The following EPHA6 variants were observed in gnomAD, a reference collection of about 807,000 sequenced individuals.
EPHA6 encodes the protein EPH receptor A6.
In EPHA6, 50 loss-of-function variants were observed where a neutral mutation model predicts 112.0. The observed-to-expected ratio is 0.45, with a 90% CI of 0.36 to 0.56. The LOEUF (loss-of-function observed/expected upper bound fraction) is 0.56, where lower values mean the gene tolerates loss of function less well. Among genes scored for constraint, EPHA6 ranks in the 20% least tolerant of loss-of-function variants. The pLI, the probability that EPHA6 is intolerant of heterozygous loss-of-function variation, is 0.00. For missense variants in EPHA6, 1,280 were observed against 1,417.4 expected, an observed-to-expected ratio of 0.90 and a Z score of 1.56; for synonymous variants, 529 against 490.7, an observed-to-expected ratio of 1.08 and a Z score of -1.03.
intron 3 of EPHA6, among the ~76,000 whole-genome samples, chr3:97,200,752 C>T (rs1237992870): frequency 6.6e-6 from 1 of 152,004 alleles, no homozygotes; most frequent in Non-Finnish European, 1.5e-5. Context: ...TAAGAGGATG[C>T]AAAAATGAAT....
intron 2 of EPHA6, among the ~76,000 whole-genome samples, chr3:96,936,201 C>G (rs576991964): frequency 1.3e-5 from 2 of 151,950 alleles, no homozygotes; most frequent in East Asian, 3.9e-4. Flanking sequence ...TATGGCAATA[C>G]GTCATTTTAG....
chr3:97,123,147 T>C (rs2048088938), intron 3 of EPHA6, among the ~76,000 whole-genome samples: 1 of 152,098 alleles, frequency 6.6e-6, no homozygotes, highest in African/African-American at 2.4e-5. Flanking sequence ...CAATCTACAA[T>C]ATTTTTGTCA....
At chr3:97,117,338 A>ATTTGTCTATTTTTGCT (rs1482719358) in intron 3 of EPHA6, among the ~76,000 whole-genome samples, 4 of 151,578 alleles carry the variant, frequency 2.6e-5, no homozygotes, top group Non-Finnish European at 5.9e-5. Context: ...AGGTAATCCC[A>ATTTGTCTATTTTTGCT]TTTGTCTATT....
chr3:97,325,942 T>A (rs747216118), intron 5 of EPHA6, among the ~76,000 whole-genome samples: 23 of 152,078 alleles, frequency 1.5e-4, no homozygotes, highest in Admixed American at 2.6e-4. Context: ...TTACTTAAGT[T>A]GCGATGCATT....
At chr3:96,828,733 A>G (rs1462488814) in intron 1 of EPHA6, among the ~76,000 whole-genome samples, 1 of 152,128 alleles carries the variant, frequency 6.6e-6, no homozygotes, top group East Asian at 1.9e-4. Context: ...TTCCATTCCC[A>G]ACACCTCCAC....
chr3:96,857,745 T>C (rs1476335557), intron 1 of EPHA6, among the ~76,000 whole-genome samples: 1 of 151,404 alleles, frequency 6.6e-6, no homozygotes, highest in Non-Finnish European at 1.5e-5. Context: ...ACTACTACAA[T>C]CCAATTTAGC....
intron 14 of EPHA6, among the ~76,000 whole-genome samples, chr3:97,641,706 C>A (rs2094006691): frequency 6.6e-6 from 1 of 152,198 alleles, no homozygotes; most frequent in Non-Finnish European, 1.5e-5. Flanking sequence ...CGGGTCACTC[C>A]CACCCGAATA....
At position 96,987,461 on chromosome 3, in the gene EPHA6, T is replaced by G; in HGVS notation, c.582T>G (p.Ile194Met). ...NWISRDAAQK[I>M]YVEMKFTLRD... ...TCTCCCGTGATGCAGCTCAGAAAAT[T>G]TATGTGGAAATGAAATTCACACTAA... Residue 194 changes from isoleucine (I) to methionine (M), a missense_variant, in exon 3 of 18, where the codon ATT becomes ATG. Around this residue, in one of 4 missense-constraint regions of EPHA6, gnomAD observed 878 missense variants for 999.7 expected, o/e 0.88. Transcript: ENST00000389672. 1.2e-6 allele frequency: 2 copies of G among 1,613,938 alleles called. No homozygotes were observed. Among genetic ancestry groups the G allele is most frequent in the Non-Finnish European group, 1.7e-6 (2 of 1,179,868 alleles).
intron 14 of EPHA6, among the ~76,000 whole-genome samples, chr3:97,647,097 T>C (rs1239310367): frequency 6.6e-6 from 1 of 152,156 alleles, no homozygotes; most frequent in Non-Finnish European, 1.5e-5. Context: ...TCAGGCAGTT[T>C]CTCCCTATCT....
At chr3:97,148,141 G>A (rs758742747) in intron 3 of EPHA6, among the ~76,000 whole-genome samples, 1 of 152,008 alleles carries the variant, frequency 6.6e-6, no homozygotes, top group Non-Finnish European at 1.5e-5. Flanking sequence ...TGCACCCAGA[G>A]ACACTTGTAA....
At chr3:97,397,165 C>G (rs2086739415) in intron 5 of EPHA6, among the ~76,000 whole-genome samples, 1 of 151,636 alleles carries the variant, frequency 6.6e-6, no homozygotes, top group African/African-American at 2.4e-5. Flanking sequence ...ATTGCTTGAG[C>G]CTTCAAGTTA....
chr3:97,193,596 A>T (rs1283517334), intron 3 of EPHA6, among the ~76,000 whole-genome samples: 4 of 149,710 alleles, frequency 2.7e-5, no homozygotes, highest in African/African-American at 9.8e-5. Context: ...GGATAACTTG[A>T]TTTTTTTTTT....
intron 4 of EPHA6, among the ~76,000 whole-genome samples, chr3:97,227,185 A>G (rs2078383699): frequency 6.6e-6 from 1 of 152,154 alleles, no homozygotes; most frequent in African/African-American, 2.4e-5. Context: ...TAAAAACAAA[A>G]AACACAATAT....
At chr3:97,249,235 A>G (rs962866280) in intron 5 of EPHA6, among the ~76,000 whole-genome samples, 4 of 152,140 alleles carry the variant, frequency 2.6e-5, no homozygotes, top group African/African-American at 9.6e-5. Context: ...CAAAAGCTAG[A>G]TATATTGAAG....
chr3:97,466,254 A>G (rs1253919916), intron 7 of EPHA6: 6 of 1,082,966 alleles, frequency 5.5e-6, no homozygotes, highest in Non-Finnish European at 8.5e-6. Context: ...TCAAAATCAA[A>G]AGATGACAGT....
intron 3 of EPHA6, among the ~76,000 whole-genome samples, chr3:97,181,333 G>C (rs1197948882): frequency 6.6e-6 from 1 of 152,004 alleles, no homozygotes; most frequent in East Asian, 1.9e-4. Flanking sequence ...GGCACTATGA[G>C]TGGTCACCTG....
rs2035827698 is a variant in EPHA6 at position 97,749,050 on chromosome 3, T to C, written c.*349T>C. The C allele has an allele frequency of 7.3e-6, 2 of 274,142 alleles. No individual in the cohort carries two copies. The highest frequency in any genetic ancestry group is 1.4e-5 in the Non-Finnish European group (2 of 141,240). 17.0% of individuals were successfully genotyped at this position (274,142 alleles called of 1,614,324 possible). ...CAGGTGGGGCTTCCTTAGTGATGTA[T>C]GTAGAGTGTGATGGTAGATGAGAAA... On this transcript the variant is annotated 3_prime_UTR_variant, in exon 18 of 18. Transcript: ENST00000389672.
chr3:97,312,488 G>T (rs2108756468), intron 5 of EPHA6, among the ~76,000 whole-genome samples: 1 of 151,626 alleles, frequency 6.6e-6, no homozygotes, highest in East Asian at 1.9e-4. Flanking sequence ...GAACATTTTG[G>T]ATTTCAGGTT....
chr3:97,724,423 G>T (rs562287424), intron 15 of EPHA6, among the ~76,000 whole-genome samples: 2 of 152,058 alleles, frequency 1.3e-5, no homozygotes, highest in Non-Finnish European at 2.9e-5. Context: ...TTAAGCATGC[G>T]CCAGTCATTA....
Sources: allele counts gnomAD v4.1 joint callset (sites outside exome capture counted in the v4.1 genomes callset), GRCh38; gene constraint gnomAD v4.1.1; regional missense constraint gnomAD v4.1.1; transcripts MANE v1.5; gene names NCBI Gene and HGNC (gene_info 2026-07-23, HGNC 2026-07-21).